Variants in CSRNP3 observed in about 807,000 individuals in gnomAD.
The protein encoded by CSRNP3 is cysteine and serine rich nuclear protein 3.
CSRNP3 carries 12 observed loss-of-function variants against 48.0 expected under a neutral mutation model. The observed-to-expected ratio is 0.25, with a 90% confidence interval of 0.16 to 0.41. The LOEUF (loss-of-function observed/expected upper bound fraction) is 0.41. CSRNP3 is among the 10% of genes least tolerant of loss of function. The pLI is 1.00. For missense variants in CSRNP3, 580 were observed against 724.4 expected (o/e 0.80, Z 2.29); for synonymous variants, 263 against 269.7 (o/e 0.98, Z 0.24).
chr2:165,474,576 C>T (rs1452559427), intron 1 of CSRNP3, among the ~76,000 whole-genome samples: 1 of 152,038 alleles, frequency 6.6e-6, no homozygotes, highest in Non-Finnish European at 1.5e-5. Context: ...TTCATTTTAC[C>T]TATGACAAAA....
At chr2:165,542,118 T>C (rs1249215956) in intron 3 of CSRNP3, among the ~76,000 whole-genome samples, 1 of 152,162 alleles carries the variant, frequency 6.6e-6, no homozygotes, top group African/African-American at 2.4e-5. Flanking sequence ...GAACTTTTGA[T>C]ACTTCATCCT....
At chr2:165,564,343 T>A (rs550803875) in intron 3 of CSRNP3, among the ~76,000 whole-genome samples, 51 of 152,228 alleles carry the variant, frequency 3.4e-4, no homozygotes, top group African/African-American at 1.1e-3. Context: ...CTTATTAAAA[T>A]AACTTTAATA....
At chr2:165,620,935 G>C (rs1048128552) in intron 4 of CSRNP3, among the ~76,000 whole-genome samples, 5 of 151,778 alleles carry the variant, frequency 3.3e-5, no homozygotes, top group Non-Finnish European at 7.4e-5. Flanking sequence ...TTATCATTGT[G>C]TTTTATCCTT....
chr2:165,568,058 G>A (rs960431066), intron 3 of CSRNP3, among the ~76,000 whole-genome samples: 1 of 152,010 alleles, frequency 6.6e-6, no homozygotes, highest in Non-Finnish European at 1.5e-5. Context: ...TCAGAGACCA[G>A]TTTATCTAAA....
intron 6 of CSRNP3, among the ~76,000 whole-genome samples, chr2:165,677,967 C>T (rs902252393): frequency 3.3e-5 from 5 of 152,092 alleles, no homozygotes; most frequent in African/African-American, 7.3e-5. Flanking sequence ...AAGATTGTAT[C>T]TAATGGAATG....
At chr2:165,612,584 A>G (rs1462527331) in intron 4 of CSRNP3, among the ~76,000 whole-genome samples, 1 of 151,956 alleles carries the variant, frequency 6.6e-6, no homozygotes, top group African/African-American at 2.4e-5. Context: ...CTCTTCCCCT[A>G]CAATTCCCAG....
chr2:165,587,967 A>C (rs1685658350), intron 3 of CSRNP3, among the ~76,000 whole-genome samples: 1 of 152,222 alleles, frequency 6.6e-6, no homozygotes. Flanking sequence ...ACAAATATGT[A>C]TTGAGGCACC....
intron 4 of CSRNP3, among the ~76,000 whole-genome samples, chr2:165,631,828 G>C (rs1686542839): frequency 6.6e-6 from 1 of 152,188 alleles, no homozygotes; most frequent in Non-Finnish European, 1.5e-5. Flanking sequence ...CCTATTGTCT[G>C]TGGCTGCTTT....
intron 3 of CSRNP3, among the ~76,000 whole-genome samples, chr2:165,577,669 A>T (rs183685310): frequency 3.8e-4 from 58 of 151,866 alleles, no homozygotes; most frequent in African/African-American, 1.2e-3. Flanking sequence ...GCCTCTTACT[A>T]TTATATACTT....
chr2:165,686,393 C>T lies in CSRNP3; in HGVS notation c.*6640C>T, dbSNP rs1461106799. 6.6e-6 allele frequency: 1 copy of T among 151,964 alleles called. No individual in the cohort carries two copies. The highest frequency in any genetic ancestry group is 1.5e-5 in the Non-Finnish European group (1 of 67,972). The allele number at this position is 151,964 out of a possible 1,614,324, so 9.4% of individuals were successfully genotyped here. A position where few individuals can be genotyped will look rare whatever the true frequency, so the allele number is the denominator to read the frequency against. On this transcript the variant is annotated 3_prime_UTR_variant, in exon 7 of 7. Coordinates refer to ENST00000651982, the MANE Select transcript of CSRNP3 (RefSeq NM_001172173.2). ...GTACATTGTATCCAATTTTGTTTTG[C>T]TCCTCCTTTTCATGTGGTCACCAAG...
chr2:165,625,857 C>G (rs1320345190), intron 4 of CSRNP3, among the ~76,000 whole-genome samples: 1 of 135,258 alleles, frequency 7.4e-6, no homozygotes, highest in Non-Finnish European at 1.6e-5. Context: ...CGCGTGAACT[C>G]GGGGCAGAGG....
rs752234002 is a variant in CSRNP3, at chr2:165,684,126, C to T, written c.*4373C>T. 3.9e-5 allele frequency: 6 copies of T among 152,124 alleles called. No homozygotes were observed. Among genetic ancestry groups the T allele is most frequent in the Admixed American group, 3.3e-4 (5 of 15,244 alleles). The allele number at this position is 152,124 out of a possible 1,614,324, so 9.4% of individuals were successfully genotyped here. A position where few individuals can be genotyped will look rare whatever the true frequency, so the allele number is the denominator to read the frequency against. ...AAACTTTTAAGACAACAGTGTGGAA[C>T]ACAATCACTCTTACTTCTATTTATA... On this transcript the variant is annotated 3_prime_UTR_variant, in exon 7 of 7. Transcript: ENST00000651982.
chr2:165,528,120 C>A (rs1166675041), intron 3 of CSRNP3, among the ~76,000 whole-genome samples: 3 of 152,074 alleles, frequency 2.0e-5, no homozygotes, highest in Non-Finnish European at 4.4e-5. Context: ...GTTTCCCAGT[C>A]ATATACTGTT....
Position 165,688,367 on chromosome 2 carries a change from T to A in CSRNP3, c.*8614T>A, listed in dbSNP as rs187546182. 2.2e-3 allele frequency: 341 copies of A among 152,266 alleles called. 1 individual carries two copies. The highest frequency in any genetic ancestry group is 7.9e-3 in the African/African-American group (328 of 41,572). 9.4% of individuals were successfully genotyped at this position (152,266 alleles called of 1,614,324 possible). On this transcript the variant is annotated 3_prime_UTR_variant, in exon 7 of 7. Transcript: ENST00000651982. The stretch of plus-strand genomic sequence containing the variant: ...TGTACTAGCCTCTTAAGATAGAACT[T>A]TTAATACATATGTACTGGTTAATGC...
chr2:165,475,555 C>T (rs1683949733), intron 1 of CSRNP3, among the ~76,000 whole-genome samples: 1 of 152,186 alleles, frequency 6.6e-6, no homozygotes, highest in Non-Finnish European at 1.5e-5. Flanking sequence ...CTCTTGATGA[C>T]AAGGAGTTTC....
rs1242205748 is a variant in CSRNP3 at position 165,682,387 on chromosome 2, C to T, written c.*2634C>T. On this transcript the variant is annotated 3_prime_UTR_variant, in exon 7 of 7. Transcript: ENST00000651982. ...CTGACTAACCTGTAAACATATCCCA[C>T]AAACCACATACACAGGCTACCTATT... 1 of 152,072 alleles carries T rather than the reference C, an allele frequency of 6.6e-6. No homozygotes were observed. The highest frequency in any genetic ancestry group is 2.4e-5 in the African/African-American group (1 of 41,412). 9.4% of individuals were successfully genotyped at this position (152,072 alleles called of 1,614,324 possible).
intron 4 of CSRNP3, among the ~76,000 whole-genome samples, chr2:165,655,610 A>C (rs1201778650): frequency 6.6e-6 from 1 of 152,208 alleles, no homozygotes; most frequent in Non-Finnish European, 1.5e-5. Flanking sequence ...ACGACAAACA[A>C]GATGACTTAC....
chr2:165,540,036 C>T (rs561208553), intron 3 of CSRNP3, among the ~76,000 whole-genome samples: 2 of 152,152 alleles, frequency 1.3e-5, no homozygotes, highest in East Asian at 3.9e-4. Flanking sequence ...GACCTGTAGT[C>T]CATCCCCAAT....
At chr2:165,541,415 A>T (rs1294155519) in intron 3 of CSRNP3, among the ~76,000 whole-genome samples, 1 of 152,020 alleles carries the variant, frequency 6.6e-6, no homozygotes, top group African/African-American at 2.4e-5. Flanking sequence ...CCCATAGGAC[A>T]CAGATTGTCC....
Sources: allele counts gnomAD v4.1 joint callset (sites outside exome capture counted in the v4.1 genomes callset), GRCh38; gene constraint gnomAD v4.1.1; transcripts MANE v1.5; gene names NCBI Gene and HGNC (gene_info 2026-07-23, HGNC 2026-07-21).